Variants in SHISA9 observed in about 807,000 individuals in gnomAD.
SHISA9 encodes the protein protein shisa-9.
In SHISA9, 13 loss-of-function variants were observed where a neutral mutation model predicts 38.0. The ratio of observed to expected loss-of-function variants is 0.34; its 90% CI spans 0.22 to 0.54. SHISA9 has a LOEUF of 0.54. Ranked by LOEUF, SHISA9 falls within the 20% of genes least tolerant of loss-of-function variation. The probability of loss-of-function intolerance (pLI) is 0.91; values close to 1 mark genes in which losing one functional copy is unlikely to be tolerated. For missense variants in SHISA9, 538 were observed against 575.8 expected (o/e 0.93, Z 0.67); for synonymous variants, 275 against 242.0 (o/e 1.14, Z -1.27).
the SHISA9 span, among the ~76,000 whole-genome samples, chr16:13,455,533 A>G: frequency 7.8e-3 from 1,189 of 152,374 alleles, 11 homozygotes; most frequent in African/African-American, 0.027. Context: ...CATTGCTGAC[A>G]GCCTGTGTTT....
chr16:13,445,691 G>A, the SHISA9 span, among the ~76,000 whole-genome samples: 1 of 152,082 alleles, frequency 6.6e-6, no homozygotes, highest in African/African-American at 2.4e-5. Context: ...TTAATTCACA[G>A]TGCTATGAGA....
the SHISA9 span, among the ~76,000 whole-genome samples, chr16:13,384,288 C>A: frequency 6.6e-6 from 1 of 152,208 alleles, no homozygotes; most frequent in Middle Eastern, 3.4e-3. Flanking sequence ...CACTCCATTC[C>A]CCATGGTCAG....
At chr16:13,170,589 G>A (rs116272361) in intron 2 of SHISA9, among the ~76,000 whole-genome samples, 2,120 of 152,278 alleles carry the variant, frequency 0.014, 41 homozygotes, top group African/African-American at 0.04. Context: ...CATGGCACAC[G>A]TTTACCTATG....
At chr16:13,068,005 A>G (rs998048645) in intron 2 of SHISA9, among the ~76,000 whole-genome samples, 1 of 152,180 alleles carries the variant, frequency 6.6e-6, no homozygotes, top group Non-Finnish European at 1.5e-5. Context: ...ACACACAGTC[A>G]GTTTCCGGCT....
chr16:13,541,923 C>T, the SHISA9 span, among the ~76,000 whole-genome samples: 1 of 152,208 alleles, frequency 6.6e-6, no homozygotes, highest in Admixed American at 6.5e-5. Context: ...AATTCATGTC[C>T]AGCCAAGACC....
the SHISA9 span, among the ~76,000 whole-genome samples, chr16:13,443,067 G>A: frequency 6.6e-6 from 1 of 152,116 alleles, no homozygotes; most frequent in Admixed American, 6.6e-5. Context: ...CTCACAAGAC[G>A]GCCCATAAAA....
chr16:13,393,465 T>G, the SHISA9 span, among the ~76,000 whole-genome samples: 1 of 152,208 alleles, frequency 6.6e-6, no homozygotes, highest in Non-Finnish European at 1.5e-5. Context: ...GTCACCCCCT[T>G]CTTGCTTTCA....
the SHISA9 span, among the ~76,000 whole-genome samples, chr16:13,386,454 A>G: frequency 1.3e-4 from 20 of 152,304 alleles, no homozygotes; most frequent in African/African-American, 4.8e-4. Flanking sequence ...ACCACTCAGT[A>G]GCCTTGAGGG....
the SHISA9 span, among the ~76,000 whole-genome samples, chr16:13,390,270 G>T: frequency 6.6e-6 from 1 of 152,108 alleles, no homozygotes; most frequent in Admixed American, 6.6e-5. Context: ...AGTCACGCCA[G>T]AACCAAACCT....
the SHISA9 span, among the ~76,000 whole-genome samples, chr16:13,447,368 T>C: frequency 6.6e-6 from 1 of 152,220 alleles, no homozygotes; most frequent in Non-Finnish European, 1.5e-5. Flanking sequence ...ATTCATAGTG[T>C]TCCAAGGAGG....
chr16:13,436,992 A>T, the SHISA9 span, among the ~76,000 whole-genome samples: 5 of 152,120 alleles, frequency 3.3e-5, no homozygotes, highest in Admixed American at 6.5e-5. Context: ...GCCCTTTATA[A>T]ACCGACATCT....
chr16:13,387,515 ATC>A, the SHISA9 span, among the ~76,000 whole-genome samples: 1 of 150,882 alleles, frequency 6.6e-6, no homozygotes, highest in Non-Finnish European at 1.5e-5. Context: ...TTGAGACGGA[ATC>A]TCTCACTCTG....
the SHISA9 span, among the ~76,000 whole-genome samples, chr16:13,365,552 G>A: frequency 2.6e-5 from 4 of 151,000 alleles, no homozygotes; most frequent in African/African-American, 9.8e-5. Flanking sequence ...CGCCTCCCGG[G>A]TTCAAGCTAT....
the SHISA9 span, among the ~76,000 whole-genome samples, chr16:13,457,649 C>T: frequency 2.0e-5 from 3 of 151,574 alleles, no homozygotes; most frequent in Non-Finnish European, 4.4e-5. Context: ...TTACCTAGAG[C>T]CATTTTACCA....
chr16:13,273,656 C>T, the SHISA9 span, among the ~76,000 whole-genome samples: 93 of 152,148 alleles, frequency 6.1e-4, no homozygotes, highest in African/African-American at 2.0e-3. Context: ...AGCTTGAGAA[C>T]GGACTAATAC....
chr16:13,488,909 CTG>C, the SHISA9 span, among the ~76,000 whole-genome samples: 1 of 152,074 alleles, frequency 6.6e-6, no homozygotes, highest in Admixed American at 6.6e-5. Flanking sequence ...CTACAGGCGC[CTG>C]CCACCGCGCC....
intron 2 of SHISA9, among the ~76,000 whole-genome samples, chr16:12,927,597 C>G (rs1282779458): frequency 1.3e-5 from 2 of 149,034 alleles, no homozygotes; most frequent in Non-Finnish European, 3.0e-5. Context: ...TTTGTAGAGA[C>G]AGGGTCTTGC....
At chr16:12,917,592 GACC>G (rs2071274763) in intron 2 of SHISA9, among the ~76,000 whole-genome samples, 2 of 152,102 alleles carry the variant, frequency 1.3e-5, no homozygotes, top group Non-Finnish European at 2.9e-5. Flanking sequence ...CTGATGCTCT[GACC>G]TATGAGACTG....
At chr16:12,955,216 T>TCCACCAATTC (rs1375761479) in intron 2 of SHISA9, among the ~76,000 whole-genome samples, 1 of 152,192 alleles carries the variant, frequency 6.6e-6, no homozygotes, top group Non-Finnish European at 1.5e-5. Flanking sequence ...CTGGCTGGAT[T>TCCACCAATTC]CCACCAATTC....
Sources: gnomAD v4.1 joint callset for allele counts (sites outside exome capture counted in the v4.1 genomes callset) on GRCh38, gnomAD v4.1.1 for gene constraint, MANE v1.5 for transcripts, NCBI Gene and HGNC (gene_info 2026-07-23, HGNC 2026-07-21) for gene names.